The following ADGRV1 variants were observed in gnomAD, a reference collection of about 807,000 sequenced individuals.
The protein encoded by ADGRV1 is adhesion G protein-coupled receptor V1.
A neutral mutation model predicts 596.2 loss-of-function variants in ADGRV1; 359 were observed. That is an observed-to-expected ratio of 0.60 (90% confidence interval 0.55 to 0.66). The LOEUF (loss-of-function observed/expected upper bound fraction) is 0.66. ADGRV1 is among the 30% of genes least tolerant of loss of function. The probability of loss-of-function intolerance (pLI) is 0.00; values close to 1 mark genes in which losing one functional copy is unlikely to be tolerated. For synonymous variants in ADGRV1, 2,681 were observed against 2,679.2 expected, an observed-to-expected ratio of 1.00 and a Z score of -0.02; for missense variants, 7,274 against 7,575.6, an observed-to-expected ratio of 0.96 and a Z score of 1.48.
At chr5:90,648,495 C>T (rs192864618) in intron 17 of ADGRV1, among the ~76,000 whole-genome samples, 1 of 152,210 alleles carries the variant, frequency 6.6e-6, no homozygotes, top group African/African-American at 2.4e-5. Flanking sequence ...TAGAGATGCC[C>T]CCATGAGCTC....
chr5:90,971,432 G>T (rs1277593736), intron 84 of ADGRV1, among the ~76,000 whole-genome samples: 1 of 151,320 alleles, frequency 6.6e-6, no homozygotes, highest in Admixed American at 6.6e-5. Flanking sequence ...AGGAAAAAAT[G>T]TTAAGGGGCA....
chr5:90,828,597 A>G (rs2150319274), intron 76 of ADGRV1, among the ~76,000 whole-genome samples: 1 of 152,258 alleles, frequency 6.6e-6, no homozygotes, highest in South Asian at 2.1e-4. Context: ...GTGTTAAAAA[A>G]CATTGAATTA....
chr5:90,668,500 G>A (rs931948119), intron 21 of ADGRV1, among the ~76,000 whole-genome samples: 11 of 151,818 alleles, frequency 7.2e-5, no homozygotes, highest in African/African-American at 2.4e-4. Context: ...ACTGACCTGC[G>A]CCCACTGTCT....
Position 91,129,450 on chromosome 5 carries a change from A to G in ADGRV1, c.18433-20580A>G, listed in dbSNP as rs10454911. On this transcript the variant is annotated intron_variant, in intron 87 of 89. Transcript: ENST00000405460. Reference sequence around the variant, plus strand: ...GTTGGTTTTCTCTCAAGTATATTTTAAAGTCTGCCTTTATTTTGGGCGACA... The same window carrying G: ...GTTGGTTTTCTCTCAAGTATATTTTGAAGTCTGCCTTTATTTTGGGCGACA... 5.1e-3 allele frequency among the ~76,000 whole-genome samples: 783 copies of G among 152,304 alleles called. 4 individuals carry two copies. The highest frequency in any genetic ancestry group is 9.2e-3 in the Non-Finnish European group (624 of 68,012).
At chr5:90,928,138 T>C (rs1300229456) in intron 83 of ADGRV1, among the ~76,000 whole-genome samples, 1 of 152,290 alleles carries the variant, frequency 6.6e-6, no homozygotes, top group East Asian at 1.9e-4. Context: ...AGGAGTATCT[T>C]TGTGGCATTC....
chr5:91,148,847 G>A (rs4563659), intron 87 of ADGRV1, among the ~76,000 whole-genome samples: 98,613 of 152,170 alleles, frequency 0.65, 35,482 homozygotes, highest in Non-Finnish European at 0.81. Flanking sequence ...GTCCAAGGCC[G>A]CGGGAACCCA....
At position 91,070,439 on chromosome 5, in the gene ADGRV1, T is replaced by G. The variant is rs1788286332; in HGVS notation, c.18153-2008T>G. Among the ~76,000 whole-genome samples the G allele has an allele frequency of 2.6e-5, 4 of 152,176 alleles. No homozygotes were observed. The South Asian group carries it at 8.3e-4, about 32-fold the overall frequency. ...AATCTAGGTTTGTAGATATTATATT[T>G]TGGAAAAATAGAGGAGGTGGGGAAA... On this transcript the variant is annotated intron_variant, in intron 85 of 89. Transcript: ENST00000405460.
rs1275587238 is a variant in ADGRV1 at position 90,672,629 on chromosome 5, T to C, written c.4836T>C (p.Ile1612=). The C allele has an allele frequency of 1.2e-6, 2 of 1,613,644 alleles. No individual in the cohort carries two copies. Among genetic ancestry groups the C allele is most frequent in the Non-Finnish European group, 1.7e-6 (2 of 1,179,692 alleles). ...ATTATGTGCATGTTTTTTACACCAT[T>C]TCACAGATTGAAACTGATGGCATTA... ...ALDYVHVFYT[I]SQIETDGINY... Residue 1612 remains isoleucine (I), a synonymous_variant, in exon 22 of 90, where the codon ATT becomes ATC. Transcript: ENST00000405460.
chr5:90,976,046 A>G (rs986348794), intron 84 of ADGRV1, among the ~76,000 whole-genome samples: 7 of 151,960 alleles, frequency 4.6e-5, no homozygotes, highest in African/African-American at 1.7e-4. Context: ...TAAAAAGTAC[A>G]TCTTTTTCTC....
intron 85 of ADGRV1, among the ~76,000 whole-genome samples, chr5:91,019,899 C>G (rs1372555216): frequency 1.3e-5 from 2 of 152,006 alleles, no homozygotes; most frequent in Non-Finnish European, 2.9e-5. Context: ...ATTTCCTACT[C>G]TCTGTCTGTC....
chr5:91,140,792 A>T (rs911113667), intron 87 of ADGRV1, among the ~76,000 whole-genome samples: 2 of 152,224 alleles, frequency 1.3e-5, no homozygotes, highest in African/African-American at 4.8e-5. Context: ...TCTTGTCAGA[A>T]ATAGTCTGGC....
chr5:90,645,618 A>AT (rs1304300834), intron 15 of ADGRV1, among the ~76,000 whole-genome samples: 1 of 152,146 alleles, frequency 6.6e-6, no homozygotes, highest in Non-Finnish European at 1.5e-5. Context: ...TCAAAAAGTT[A>AT]TTTTTATGTT....
chr5:90,817,470 G>A (rs937130506), intron 75 of ADGRV1, among the ~76,000 whole-genome samples: 6 of 151,172 alleles, frequency 4.0e-5, no homozygotes, highest in African/African-American at 7.4e-5. Context: ...TTGGTGTTTT[G>A]GACATGAAGT....
chr5:90,575,624 A>C (rs1757102020), intron 1 of ADGRV1, among the ~76,000 whole-genome samples: 1 of 152,170 alleles, frequency 6.6e-6, no homozygotes, highest in Non-Finnish European at 1.5e-5. Flanking sequence ...GCTTCATCCT[A>C]GACCAATCCT....
chr5:90,704,362 G>T (rs2149687284), intron 35 of ADGRV1, 27 bp from the exon 36 acceptor site: 1 of 1,341,620 alleles, frequency 7.5e-7, no homozygotes, highest in Non-Finnish European at 1.0e-6. Flanking sequence ...AACGACAGCG[G>T]GATTGATTTC....
chr5:90,786,313 T>C (rs1581120067), intron 67 of ADGRV1, among the ~76,000 whole-genome samples: 1 of 152,160 alleles, frequency 6.6e-6, no homozygotes, highest in East Asian at 1.9e-4. Context: ...GACGAGTTGA[T>C]GGGTGCAGCA....
At position 90,840,896 on chromosome 5, in the gene ADGRV1, C is replaced by T. The variant is rs760526892; in HGVS notation, c.16930C>T (p.Leu5644Phe). The change falls in exon 78 of 90, where the codon CTC becomes TTC. Residue 5644 changes from leucine to phenylalanine, a missense_variant. By Grantham distance (22) the Leu-to-Phe change is conservative. Coordinates refer to ENST00000405460, the MANE Select transcript of ADGRV1 (RefSeq NM_032119.4). Reference protein sequence around the residue: ...QLHQPVNDDILNRVLHTISMK... With the variant: ...QLHQPVNDDIFNRVLHTISMK... ...ACATCAGCCTGTGAATGATGATATT[C>T]TCAACAGAGTGCTCCATACCATCAG... The T allele has an allele frequency of 6.3e-6, 10 of 1,592,782 alleles. No homozygotes were observed. The highest frequency in any genetic ancestry group is 1.7e-6 in the Non-Finnish European group (2 of 1,167,808).
chr5:90,724,538 A>G (rs1018210019), intron 45 of ADGRV1, among the ~76,000 whole-genome samples: 1 of 152,188 alleles, frequency 6.6e-6, no homozygotes. Context: ...CACATTTAGT[A>G]TTTATTTCTA....
rs368001163 is a variant in ADGRV1 at position 90,689,994 on chromosome 5, A to G, written c.6624A>G (p.Glu2208=). The G allele has an allele frequency of 6.2e-7, 1 of 1,607,632 alleles. No homozygotes were observed. Among genetic ancestry groups the G allele is most frequent in the Non-Finnish European group, 8.5e-7 (1 of 1,176,650 alleles). ...CTTTTCTTGTGCAACTGATGAATGA[A>G]ACAACAGGAGGAGCCAGACTAGGGG... The part of the protein sequence containing the change: ...EESFLVQLMN[E]TTGGARLGAL... Residue 2208 remains glutamate (E), a synonymous_variant, in exon 30 of 90, where the codon GAA becomes GAG. Transcript: ENST00000405460.
Sources: gnomAD v4.1 joint callset for allele counts (sites outside exome capture counted in the v4.1 genomes callset) on GRCh38, gnomAD v4.1.1 for gene constraint, MANE v1.5 for transcripts, NCBI Gene and HGNC (gene_info 2026-07-23, HGNC 2026-07-21) for gene names.